Variants in EPHA3 observed in about 807,000 individuals in gnomAD.
EPHA3 encodes the protein EPH receptor A3, also known as ephrin type-A receptor 3.
EPHA3 carries 42 observed loss-of-function variants against 107.1 expected under a neutral mutation model. The observed-to-expected ratio is 0.39, with a 90% CI of 0.31 to 0.51. EPHA3 has a LOEUF of 0.51. Among genes scored for constraint, EPHA3 ranks in the 20% least tolerant of loss-of-function variants. EPHA3 has a pLI of 0.78. For missense variants in EPHA3, 1,183 were observed against 1,211.2 expected (o/e 0.98, Z 0.35); for synonymous variants, 461 against 424.8 (o/e 1.09, Z -1.05).
intron 5 of EPHA3, among the ~76,000 whole-genome samples, chr3:89,372,005 T>TA (rs559474252): frequency 8.7e-4 from 126 of 144,028 alleles, no homozygotes; most frequent in Admixed American, 1.3e-3. Context: ...TTTCTTCAAT[T>TA]AAAAAAAAAA....
chr3:89,425,469 T>G (rs1423998903), intron 11 of EPHA3, among the ~76,000 whole-genome samples: 2 of 150,618 alleles, frequency 1.3e-5, no homozygotes, highest in African/African-American at 4.9e-5. Flanking sequence ...AGGTCAAAGG[T>G]TTTGATTTTA....
chr3:89,221,733 G>T (rs13083092), intron 3 of EPHA3, among the ~76,000 whole-genome samples: 89,943 of 151,896 alleles, frequency 0.59, 28,480 homozygotes, highest in Non-Finnish European at 0.7. Flanking sequence ...TTACTAATTT[G>T]ACCAGTGTCA....
chr3:89,346,950 G>A (rs1707674740), intron 5 of EPHA3, among the ~76,000 whole-genome samples: 2 of 145,916 alleles, frequency 1.4e-5, no homozygotes, highest in East Asian at 2.0e-4. Flanking sequence ...TTATTTCTGA[G>A]GGCTCTGTTC....
intron 3 of EPHA3, among the ~76,000 whole-genome samples, chr3:89,325,738 C>T (rs1048382939): frequency 5.3e-5 from 8 of 152,024 alleles, no homozygotes; most frequent in African/African-American, 1.9e-4. Flanking sequence ...TGATAGATCT[C>T]TTTTAAAGGT....
intron 1 of EPHA3, among the ~76,000 whole-genome samples, chr3:89,120,835 A>T (rs1443981902): frequency 1.3e-5 from 2 of 152,224 alleles, no homozygotes; most frequent in East Asian, 3.8e-4. Context: ...AAAGCTAATG[A>T]GAAAGAATAA....
At chr3:89,191,743 T>C (rs1478011211) in intron 2 of EPHA3, among the ~76,000 whole-genome samples, 1 of 152,210 alleles carries the variant, frequency 6.6e-6, no homozygotes, top group Non-Finnish European at 1.5e-5. Flanking sequence ...TCATTTGTTT[T>C]CATAGACTCA....
At chr3:89,189,694 G>C (rs961068880) in intron 2 of EPHA3, among the ~76,000 whole-genome samples, 3 of 152,162 alleles carry the variant, frequency 2.0e-5, no homozygotes, top group African/African-American at 7.2e-5. Flanking sequence ...TTTGAGTTCT[G>C]TATTGCTCCC....
At chr3:89,368,305 C>T (rs1708222577) in intron 5 of EPHA3, among the ~76,000 whole-genome samples, 1 of 149,994 alleles carries the variant, frequency 6.7e-6, no homozygotes, top group Admixed American at 6.7e-5. Context: ...TAAAAAAAGA[C>T]AAAGCAGAAC....
At chr3:89,179,392 A>C (rs1322234614) in intron 2 of EPHA3, among the ~76,000 whole-genome samples, 2 of 152,036 alleles carry the variant, frequency 1.3e-5, no homozygotes, top group Non-Finnish European at 2.9e-5. Context: ...ATTAGTTACC[A>C]CCATTTGCCT....
intron 2 of EPHA3, among the ~76,000 whole-genome samples, chr3:89,128,424 A>T (rs1191873593): frequency 1.3e-5 from 2 of 152,172 alleles, no homozygotes; most frequent in African/African-American, 4.8e-5. Context: ...TGATTAAGAT[A>T]AAAGCACAGC....
intron 6 of EPHA3, among the ~76,000 whole-genome samples, chr3:89,397,548 A>G (rs1708874381): frequency 6.6e-6 from 1 of 151,348 alleles, no homozygotes; most frequent in Non-Finnish European, 1.5e-5. Context: ...CTTATTTCAA[A>G]CTCCCTCAAC....
chr3:89,208,311 A>G (rs1484251962), intron 2 of EPHA3, among the ~76,000 whole-genome samples: 2 of 148,978 alleles, frequency 1.3e-5, no homozygotes, highest in South Asian at 2.2e-4. Flanking sequence ...TGAAGATTGC[A>G]GTGAGCTGAG....
chr3:89,323,825 C>T (rs1194755831), intron 3 of EPHA3, among the ~76,000 whole-genome samples: 1 of 152,026 alleles, frequency 6.6e-6, no homozygotes, highest in Admixed American at 6.6e-5. Flanking sequence ...TTATGTATTT[C>T]TAGATCACTT....
rs1009719721 is a variant in EPHA3, at chr3:89,481,266, G to A, written c.*1764G>A. The A allele has an allele frequency of 9.1e-5, 21 of 231,982 alleles. No homozygotes were observed. The highest frequency in any genetic ancestry group is 1.8e-4 in the South Asian group (1 of 5,506). The allele number at this position is 231,982 out of a possible 1,614,324, so 14.4% of individuals were successfully genotyped here. A position where few individuals can be genotyped will look rare whatever the true frequency, so the allele number is the denominator to read the frequency against. On this transcript the variant is annotated 3_prime_UTR_variant, in exon 17 of 17. Transcript: ENST00000336596. The stretch of plus-strand genomic sequence containing the variant: ...AATAAGACTTAGATTGTGCTCCTTC[G>A]GATATGATTGTTTCTCAAATCTTGG...
At chr3:89,429,201 A>C in intron 12 of EPHA3, 34 bp downstream of exon 12, 3 of 1,535,214 alleles carry the variant, frequency 2.0e-6, no homozygotes, top group Non-Finnish European at 2.7e-6. Flanking sequence ...ATATATATGA[A>C]TAAATTGCTG....
chr3:89,186,820 A>T (rs1240973062), intron 2 of EPHA3, among the ~76,000 whole-genome samples: 1 of 152,090 alleles, frequency 6.6e-6, no homozygotes, highest in African/African-American at 2.4e-5. Context: ...GAAATATAGC[A>T]TTTCAAAGAC....
chr3:89,412,907 AG>A (rs1370293479), intron 9 of EPHA3, among the ~76,000 whole-genome samples: 1 of 151,686 alleles, frequency 6.6e-6, no homozygotes, highest in Non-Finnish European at 1.5e-5. Flanking sequence ...GTTTTTGCAA[AG>A]AAAGCTCCTC....
At chr3:89,210,745 T>G (rs1230740664) in intron 3 of EPHA3, among the ~76,000 whole-genome samples, 1 of 152,172 alleles carries the variant, frequency 6.6e-6, no homozygotes, top group Non-Finnish European at 1.5e-5. Flanking sequence ...GCCTGCACCC[T>G]GTAATAGGTG....
chr3:89,208,574 GAGAA>G (rs752636379), intron 2 of EPHA3, among the ~76,000 whole-genome samples: 295 of 123,886 alleles, frequency 2.4e-3, no homozygotes, highest in African/African-American at 5.3e-3. Flanking sequence ...TAAAAAGAAA[GAGAA>G]AGAAAGAAAG....
Sources: gnomAD v4.1 joint callset for allele counts (sites outside exome capture counted in the v4.1 genomes callset) on GRCh38, gnomAD v4.1.1 for gene constraint, MANE v1.5 for transcripts, NCBI Gene and HGNC (gene_info 2026-07-23, HGNC 2026-07-21) for gene names.